The following NCKAP5 variants were observed in gnomAD, a reference collection of about 807,000 sequenced individuals.
The protein encoded by NCKAP5 is NCK associated protein 5.
NCKAP5 carries 92 observed loss-of-function variants against 167.0 expected under a neutral mutation model. The ratio of observed to expected loss-of-function variants is 0.55; its 90% confidence interval spans 0.47 to 0.66. NCKAP5 has a LOEUF of 0.66. Among genes scored for constraint, NCKAP5 ranks in the 30% least tolerant of loss-of-function variants. NCKAP5 has a pLI of 0.00. For missense variants in NCKAP5, 2,378 were observed against 2,315.0 expected, an observed-to-expected ratio of 1.03 and a Z score of -0.56; for synonymous variants, 891 against 877.4, an observed-to-expected ratio of 1.02 and a Z score of -0.27.
At chr2:133,279,310 G>C (rs1303014302) in intron 4 of NCKAP5, among the ~76,000 whole-genome samples, 1 of 152,062 alleles carries the variant, frequency 6.6e-6, no homozygotes, top group Non-Finnish European at 1.5e-5. Flanking sequence ...TGGCTTATCC[G>C]TCAGGTTTGG....
chr2:133,326,767 T>C (rs997284599), intron 3 of NCKAP5, among the ~76,000 whole-genome samples: 1 of 152,212 alleles, frequency 6.6e-6, no homozygotes, highest in African/African-American at 2.4e-5. Context: ...GACTCATCTT[T>C]GATACCTCTT....
At chr2:132,777,693 A>G (rs1056963139) in intron 15 of NCKAP5, among the ~76,000 whole-genome samples, 31 of 152,322 alleles carry the variant, frequency 2.0e-4, no homozygotes, top group African/African-American at 7.0e-4. Flanking sequence ...TACCATTTAG[A>G]ATAGAATTTT....
intron 6 of NCKAP5, among the ~76,000 whole-genome samples, chr2:133,110,761 C>T (rs1422022300): frequency 1.3e-5 from 2 of 152,162 alleles, no homozygotes; most frequent in Non-Finnish European, 2.9e-5. Context: ...CGTATTCTCA[C>T]ACGCTGTGTT....
chr2:132,735,171 G>T (rs192814129), intron 16 of NCKAP5, among the ~76,000 whole-genome samples: 2 of 143,160 alleles, frequency 1.4e-5, no homozygotes, highest in East Asian at 3.9e-4. Flanking sequence ...TAGACTTCTC[G>T]CCAGGATTTT....
chr2:133,608,970 G>A, the NCKAP5 span, among the ~76,000 whole-genome samples: 2 of 152,184 alleles, frequency 1.3e-5, no homozygotes, highest in East Asian at 3.8e-4. Flanking sequence ...GTATTTTCAA[G>A]TCTTGATCTT....
chr2:132,728,193 C>T (rs115859959), intron 18 of NCKAP5, among the ~76,000 whole-genome samples: 162 of 152,208 alleles, frequency 1.1e-3, no homozygotes, highest in African/African-American at 3.4e-3. Context: ...CTGCTGGAAA[C>T]GGTAAACAGG....
intron 8 of NCKAP5, among the ~76,000 whole-genome samples, chr2:132,913,037 G>T (rs770499875): frequency 3.3e-5 from 5 of 151,834 alleles, no homozygotes; most frequent in Non-Finnish European, 5.9e-5. Context: ...AACTACTACG[G>T]TCTCTTCCCT....
chr2:132,752,237 G>A (rs557668527), intron 16 of NCKAP5, among the ~76,000 whole-genome samples: 13 of 152,278 alleles, frequency 8.5e-5, no homozygotes, highest in African/African-American at 1.2e-4. Flanking sequence ...CCCTTCCCCC[G>A]TGCACAGGCC....
At position 133,318,565 on chromosome 2, in the gene NCKAP5, C is replaced by T. The variant is rs539268930; in HGVS notation, c.70-15455G>A. 3.4e-3 allele frequency among the ~76,000 whole-genome samples: 518 copies of T among 152,236 alleles called. 2 individuals are homozygous for T. The highest frequency in any genetic ancestry group is 5.1e-3 in the Non-Finnish European group (350 of 68,010). ...CCATTTTGTTCTGACAGTGGAGAAT[C>T]CGATTCAGGAGAAAAGTTTCTTCTC... On this transcript the variant is annotated intron_variant, in intron 3 of 19. Coordinates refer to ENST00000409261, the MANE Select transcript of NCKAP5 (RefSeq NM_207363.3).
chr2:133,593,516 A>T, the NCKAP5 span, among the ~76,000 whole-genome samples: 1 of 152,144 alleles, frequency 6.6e-6, no homozygotes, highest in African/African-American at 2.4e-5. Context: ...TGAATACTTA[A>T]AATTTTATTT....
At chr2:132,870,776 T>C (rs1233820750) in intron 9 of NCKAP5, among the ~76,000 whole-genome samples, 1 of 150,544 alleles carries the variant, frequency 6.6e-6, no homozygotes, top group African/African-American at 2.4e-5. Flanking sequence ...TTAATTGTTT[T>C]TTGACTCAAT....
chr2:133,465,180 C>T (rs1692480699), intron 3 of NCKAP5, among the ~76,000 whole-genome samples: 1 of 120,914 alleles, frequency 8.3e-6, no homozygotes, highest in African/African-American at 3.1e-5. Flanking sequence ...CACAACAGTC[C>T]CCAGAGTGTG....
chr2:133,156,775 A>G (rs1046855131), intron 5 of NCKAP5, among the ~76,000 whole-genome samples: 1 of 152,018 alleles, frequency 6.6e-6, no homozygotes, highest in Non-Finnish European at 1.5e-5. Flanking sequence ...TCTCTAATCC[A>G]TCTTATATCT....
the NCKAP5 span, among the ~76,000 whole-genome samples, chr2:133,621,378 G>A: frequency 1.3e-5 from 2 of 151,940 alleles, no homozygotes; most frequent in African/African-American, 2.4e-5. Context: ...GACCATTAGC[G>A]AGGTTAACCA....
chr2:133,169,199 A>C (rs2084132924), intron 5 of NCKAP5, among the ~76,000 whole-genome samples: 1 of 152,206 alleles, frequency 6.6e-6, no homozygotes, highest in Admixed American at 6.5e-5. Flanking sequence ...TAAAATGCCA[A>C]AGTACACTGC....
chr2:132,691,680 G>A (rs1161242130), intron 19 of NCKAP5, among the ~76,000 whole-genome samples: 1 of 152,130 alleles, frequency 6.6e-6, no homozygotes, highest in Non-Finnish European at 1.5e-5. Context: ...GCTAAGATCA[G>A]CATGACCATA....
chr2:132,781,495 T>C (rs1683027914), intron 14 of NCKAP5, among the ~76,000 whole-genome samples: 1 of 152,192 alleles, frequency 6.6e-6, no homozygotes, highest in Non-Finnish European at 1.5e-5. Context: ...TGAAGAGTGA[T>C]TATTAACTAC....
intron 8 of NCKAP5, among the ~76,000 whole-genome samples, chr2:132,932,289 G>A (rs1438916324): frequency 6.6e-6 from 1 of 152,106 alleles, no homozygotes. Flanking sequence ...TTCTGATCTG[G>A]AGAAGTATCA....
At chr2:132,715,521 C>T (rs1226775300) in intron 19 of NCKAP5, among the ~76,000 whole-genome samples, 3 of 152,096 alleles carry the variant, frequency 2.0e-5, no homozygotes, top group African/African-American at 4.8e-5. Flanking sequence ...ACTAGAGCAA[C>T]GTGAGGATTA....
Sources: allele counts gnomAD v4.1 joint callset (sites outside exome capture counted in the v4.1 genomes callset), GRCh38; gene constraint gnomAD v4.1.1; transcripts MANE v1.5; gene names NCBI Gene and HGNC (gene_info 2026-07-23, HGNC 2026-07-21).